TMEM143: variants seen among roughly 807,000 people sequenced by gnomAD.
TMEM143 encodes the protein transmembrane protein 143.
A neutral mutation model predicts 40.3 loss-of-function variants in TMEM143; 45 were observed. That is an observed-to-expected ratio of 1.12 (90% CI 0.88 to 1.43). The LOEUF is 1.43. TMEM143 is among the 40% of genes most tolerant of loss of function. TMEM143 has a pLI of 0.00. For synonymous variants in TMEM143, 299 were observed against 282.7 expected (o/e 1.06, Z -0.58); for missense variants, 620 against 613.4 (o/e 1.01, Z -0.11).
Position 48,363,433 on chromosome 19 carries a change from G to C in TMEM143, c.122C>G (p.Pro41Arg). The C allele has an allele frequency of 6.2e-7, 1 of 1,614,064 alleles. No homozygotes were observed. Among genetic ancestry groups the C allele is most frequent in the East Asian group, 2.2e-5 (1 of 44,886 alleles). The change falls in exon 2 of 8, where the codon CCC becomes CGC. Residue 41 changes from proline to arginine, a missense_variant. Coordinates refer to ENST00000293261, the MANE Select transcript of TMEM143 (RefSeq NM_018273.4). ...WPLLPALLGP[P>R]RALSSLAAKM... ...GGCTGCCAGCGATGAGAGGGCCCGG[G>C]GGGGCCCGAGGAGCGCGGGCAACAG...
At chr19:48,362,592 AT>A (rs1956420353) in intron 2 of TMEM143, among the ~76,000 whole-genome samples, 2 of 152,228 alleles carry the variant, frequency 1.3e-5, no homozygotes, top group Admixed American at 1.3e-4. Context: ...AATGATGATG[AT>A]GGTGGCAATA....
At chr19:48,338,920 C>T (rs1394301052) in intron 6 of TMEM143, among the ~76,000 whole-genome samples, 1 of 152,120 alleles carries the variant, frequency 6.6e-6, no homozygotes, top group East Asian at 1.9e-4. Flanking sequence ...GCCAGCCCAA[C>T]AAGAGGAAAG....
intron 3 of TMEM143, among the ~76,000 whole-genome samples, chr19:48,355,279 C>T (rs1437607115): frequency 6.6e-6 from 1 of 152,138 alleles, no homozygotes; most frequent in African/African-American, 2.4e-5. Context: ...GATCCGCCTA[C>T]CTCGGCCTCC....
Position 48,334,016 on chromosome 19 carries a change from G to A in TMEM143, c.1157C>T (p.Ser386Leu). The A allele has an allele frequency of 1.3e-6, 2 of 1,550,002 alleles. No individual in the cohort carries two copies. The highest frequency in any genetic ancestry group is 1.2e-5 in the South Asian group (1 of 85,154). ...LARRPGGTQG[S>L]PEETSRWLRS... ...CCAGGGCCACGTCCTACCTTCGGGC[G>A]AGCCTTGAGTGCCCCCTGGCCGCCG... is the stretch of plus-strand genomic sequence containing the variant. The change falls in exon 7 of 8, where the codon TCG (serine) becomes TTG (leucine). Residue 386 changes from serine (S) to leucine (L), a missense_variant. Transcript: ENST00000293261.
At chr19:48,336,068 C>T (rs1297431157) in intron 6 of TMEM143, among the ~76,000 whole-genome samples, 1 of 152,058 alleles carries the variant, frequency 6.6e-6, no homozygotes, top group Admixed American at 6.6e-5. Flanking sequence ...GGCATCAGTG[C>T]CCTCTGGGCT....
intron 3 of TMEM143, among the ~76,000 whole-genome samples, chr19:48,353,183 C>CTT (rs57661893): frequency 0.01 from 1,473 of 145,160 alleles, 35 homozygotes; most frequent in African/African-American, 0.033. Context: ...CAACGACAAA[C>CTT]TTTTTTTTTT....
chr19:48,336,248 T>G (rs1005273301), intron 6 of TMEM143, among the ~76,000 whole-genome samples: 3 of 151,822 alleles, frequency 2.0e-5, no homozygotes, highest in Non-Finnish European at 1.5e-5. Flanking sequence ...CCTGGCACGG[T>G]GGTTCATGCC....
Position 48,359,994 on chromosome 19 carries a change from AG to A in TMEM143, c.369+77del, listed in dbSNP as rs139948225. 2.3e-3 allele frequency: 3,273 copies of A among 1,428,158 alleles called. 58 individuals carry two copies. In the African/African-American group the frequency reaches 0.041, roughly 18 times the overall value. 88.5% of individuals were successfully genotyped at this position (1,428,158 alleles called of 1,614,324 possible). A position where few individuals can be genotyped will look rare whatever the true frequency, so the allele number is the denominator to read the frequency against. The stretch of plus-strand genomic sequence containing the variant: ...CACTTAAAATAAGGGCCAGGCTCCA[AG>A]AAGGTGTCAGGGAATGTTTGCTAAA... On this transcript the variant is annotated intron_variant, in intron 3 of 7. Transcript: ENST00000293261.
rs751986433 is a variant in TMEM143 at position 48,333,228 on chromosome 19, GT to G, written c.1370del (p.Asn457ThrfsTer5). 1 of 1,483,408 alleles carries G rather than the reference GT, an allele frequency of 6.7e-7. No individual in the cohort carries two copies. The highest frequency in any genetic ancestry group is 9.1e-7 in the Non-Finnish European group (1 of 1,102,324). 91.9% of individuals were successfully genotyped at this position (1,483,408 alleles called of 1,614,324 possible). On this transcript the variant is annotated frameshift_variant, in exon 8 of 8. Coordinates refer to ENST00000293261, the MANE Select transcript of TMEM143 (RefSeq NM_018273.4). LOFTEE classifies it high-confidence loss of function. This position sits in a 1 kb window ranked among gnomAD's most constrained non-coding sequence, Gnocchi z 4.1. ...GGGAGGTAGGTTCTACTCAGGAGAT[GT>G]TACTGCTGGGCGTGGCTTGCGGGGG... ...SEPPQATPSSNIS is the reference protein window; with the variant it reads ...SEPPQATPSSXIS
chr19:48,338,548 G>C (rs1189692043), intron 6 of TMEM143, among the ~76,000 whole-genome samples: 2 of 152,238 alleles, frequency 1.3e-5, no homozygotes, highest in Non-Finnish European at 2.9e-5. Flanking sequence ...TGTGTTCTTG[G>C]AAAATGTTCA....
At chr19:48,358,313 G>T (rs565392873) in intron 3 of TMEM143, among the ~76,000 whole-genome samples, 17 of 151,740 alleles carry the variant, frequency 1.1e-4, no homozygotes, top group African/African-American at 4.1e-4. Flanking sequence ...CAACCCGGAA[G>T]ACAGAGGTTG....
chr19:48,351,885 A>C (rs1299689285), intron 3 of TMEM143, among the ~76,000 whole-genome samples: 1 of 152,064 alleles, frequency 6.6e-6, no homozygotes, highest in African/African-American at 2.4e-5. Context: ...CTTGGTATCC[A>C]TAGGACATCA....
chr19:48,363,279 G>A lies in TMEM143; in HGVS notation c.264+12C>T, dbSNP rs1569040515. The A allele has an allele frequency of 1.2e-6, 2 of 1,609,318 alleles. No homozygotes were observed. Among genetic ancestry groups the A allele is most frequent in the Admixed American group, 1.7e-5 (1 of 59,338 alleles). On this transcript the variant is annotated intron_variant, in intron 2 of 7. Transcript: ENST00000293261. ...GTAGTCCCCAGGCTCTTGGGCCTGG[G>A]ACAGGCGGTACCTGTATTAGGAGGC...
At position 48,342,827 on chromosome 19, in the gene TMEM143, A is replaced by G; in HGVS notation, c.696-18T>C. ...AGTATCTCCTGAGGGACAGAGACAG[A>G]GGCAGGAGCAGGATCGGGACTGCAC... On this transcript the variant is annotated intron_variant, in intron 5 of 7. Coordinates refer to ENST00000293261, the MANE Select transcript of TMEM143 (RefSeq NM_018273.4). 1 of 1,581,734 alleles carries G rather than the reference A, an allele frequency of 6.3e-7. No homozygotes were observed. The highest frequency in any genetic ancestry group is 1.3e-5 in the African/African-American group (1 of 74,602).
At chr19:48,354,759 G>A (rs1302724690) in intron 3 of TMEM143, among the ~76,000 whole-genome samples, 4 of 152,066 alleles carry the variant, frequency 2.6e-5, no homozygotes, top group Admixed American at 6.6e-5. Context: ...GAGGTCACCC[G>A]CCAAGGTCAC....
At chr19:48,356,285 G>T (rs1347455747) in intron 3 of TMEM143, among the ~76,000 whole-genome samples, 1 of 149,836 alleles carries the variant, frequency 6.7e-6, no homozygotes, top group African/African-American at 2.5e-5. Flanking sequence ...GCGCCACTAT[G>T]CCCAGCTAAT....
Position 48,334,082 on chromosome 19 carries a change from T to C in TMEM143, c.1091A>G (p.Glu364Gly). The change falls in exon 7 of 8, where the codon GAG becomes GGG. Residue 364 changes from glutamate (E) to glycine (G), a missense_variant. Physicochemically the swap from Glu to Gly is moderately conservative, Grantham distance 98. Transcript: ENST00000293261. ...AGCCAGCAGCGCCTCCTTGGTGTGC[T>C]CGTCCTGCGCGCGCAGGGCCAGGGC... ...LSALALRAQD[E>G]HTKEALLAHS... is the part of the protein sequence containing the mutation. 1 of 1,588,668 alleles carries C rather than the reference T, an allele frequency of 6.3e-7. No individual in the cohort carries two copies. Among genetic ancestry groups the C allele is most frequent in the East Asian group, 2.3e-5 (1 of 43,596 alleles).
chr19:48,344,425 A>T (rs1054562561), intron 4 of TMEM143, among the ~76,000 whole-genome samples: 1 of 151,726 alleles, frequency 6.6e-6, no homozygotes, highest in African/African-American at 2.4e-5. Context: ...AGTAGCTGGG[A>T]CTGCAGGCCC....
chr19:48,349,329 T>C (rs1674150040), intron 3 of TMEM143, among the ~76,000 whole-genome samples: 1 of 152,148 alleles, frequency 6.6e-6, no homozygotes, highest in African/African-American at 2.4e-5. Flanking sequence ...CTCTGTCATA[T>C]TCTAGGTCCA....
Sources: gnomAD v4.1 joint callset for allele counts (sites outside exome capture counted in the v4.1 genomes callset) on GRCh38, gnomAD v4.1.1 for gene constraint, Gnocchi (gnomAD v3.1) non-coding constraint, MANE v1.5 for transcripts, NCBI Gene and HGNC (gene_info 2026-07-23, HGNC 2026-07-21) for gene names.